FRK: variants seen among roughly 807,000 people sequenced by gnomAD.
The protein encoded by FRK is tyrosine-protein kinase FRK.
A neutral mutation model predicts 56.4 loss-of-function variants in FRK; 51 were observed. That is an observed-to-expected ratio of 0.90 (90% CI 0.72 to 1.14). The LOEUF (loss-of-function observed/expected upper bound fraction) is 1.14, where lower values mean the gene tolerates loss of function less well. Ranked by LOEUF, FRK falls within the 50% of genes most tolerant of loss-of-function variation. The probability of loss-of-function intolerance (pLI) is 0.00; values close to 1 mark genes in which losing one functional copy is unlikely to be tolerated. For synonymous variants in FRK, 245 were observed against 217.9 expected (o/e 1.12, Z -1.10); for missense variants, 570 against 601.4 (o/e 0.95, Z 0.55).
At chr6:115,956,893 A>G (rs1433823278) in intron 4 of FRK, among the ~76,000 whole-genome samples, 1 of 152,230 alleles carries the variant, frequency 6.6e-6, no homozygotes. Context: ...GGAGAGACTG[A>G]CAATCTAACT....
intron 1 of FRK, among the ~76,000 whole-genome samples, chr6:116,036,834 A>T (rs1310003684): frequency 6.6e-6 from 1 of 152,196 alleles, no homozygotes; most frequent in Non-Finnish European, 1.5e-5. Context: ...GCACTGTCCT[A>T]TGTCAACATT....
chr6:116,095,475 G>A, the FRK span, among the ~76,000 whole-genome samples: 3 of 152,166 alleles, frequency 2.0e-5, no homozygotes, highest in East Asian at 3.8e-4. Flanking sequence ...TTCAACAAAA[G>A]TAAAGTTTGC....
chr6:116,100,168 A>G, the FRK span, among the ~76,000 whole-genome samples: 1 of 152,230 alleles, frequency 6.6e-6, no homozygotes, highest in Non-Finnish European at 1.5e-5. Flanking sequence ...TAAAAAATTC[A>G]TTACAATAAC....
rs184862198 is a variant in FRK at position 116,022,078 on chromosome 6, G to A, written c.345-18080C>T. On this transcript the variant is annotated intron_variant, in intron 1 of 7. Coordinates refer to ENST00000606080, the MANE Select transcript of FRK (RefSeq NM_002031.3). ...TAAATTTGACAACTAAGATGAAATC[G>A]ACAGGTTCCCCAATACATATAAAGT... is the stretch of plus-strand genomic sequence containing the variant. Among the ~76,000 whole-genome samples, 311 of 151,884 alleles carry A rather than the reference G, an allele frequency of 2.0e-3. 1 individual carries two copies. Among genetic ancestry groups the A allele is most frequent in the African/African-American group, 7.1e-3 (294 of 41,492 alleles).
At chr6:116,099,733 T>A in the FRK span, among the ~76,000 whole-genome samples, 2 of 152,234 alleles carry the variant, frequency 1.3e-5, no homozygotes, top group South Asian at 4.1e-4. Context: ...GATTGGTCTA[T>A]TAGCCTCAGA....
chr6:116,080,517 C>T, the FRK span, among the ~76,000 whole-genome samples: 6 of 152,256 alleles, frequency 3.9e-5, no homozygotes, highest in South Asian at 4.1e-4. Flanking sequence ...GATTTGCCTA[C>T]GCAAAAATGT....
chr6:116,069,281 C>T, the FRK span, among the ~76,000 whole-genome samples: 1 of 151,994 alleles, frequency 6.6e-6, no homozygotes, highest in Non-Finnish European at 1.5e-5. Flanking sequence ...GTTTGGGATA[C>T]AAAATTTGTG....
intron 1 of FRK, among the ~76,000 whole-genome samples, chr6:116,048,154 C>T (rs190933445): frequency 2.0e-5 from 3 of 152,294 alleles, no homozygotes; most frequent in Admixed American, 1.3e-4. Flanking sequence ...GGTGTGAATG[C>T]TTCAAAATCC....
chr6:116,051,407 T>TA (rs1562306289), intron 1 of FRK, among the ~76,000 whole-genome samples: 1 of 152,184 alleles, frequency 6.6e-6, no homozygotes, highest in East Asian at 1.9e-4. Context: ...AATATTCAAC[T>TA]AAAAAACTTT....
intron 6 of FRK, 91 bp downstream of exon 6, chr6:115,944,153 T>C (rs1772321979): frequency 1.9e-6 from 2 of 1,066,018 alleles, no homozygotes; most frequent in Non-Finnish European, 2.7e-6. Context: ...GGAGAAACAT[T>C]GTTTTAAAGA....
At chr6:116,001,062 A>AC (rs1319633157) in intron 2 of FRK, among the ~76,000 whole-genome samples, 1 of 151,954 alleles carries the variant, frequency 6.6e-6, no homozygotes, top group Non-Finnish European at 1.5e-5. Context: ...ACACGGTGAA[A>AC]CCCCGTCCCT....
At chr6:115,953,383 G>T (rs1025148789) in intron 5 of FRK, among the ~76,000 whole-genome samples, 18 of 151,178 alleles carry the variant, frequency 1.2e-4, no homozygotes, top group Non-Finnish European at 2.5e-4. Flanking sequence ...TAGAGACGGG[G>T]TTTCACCGTT....
At chr6:115,969,372 G>T (rs931048252) in intron 2 of FRK, among the ~76,000 whole-genome samples, 2 of 152,090 alleles carry the variant, frequency 1.3e-5, no homozygotes, top group Admixed American at 6.6e-5. Context: ...TAGCAGTATT[G>T]CTTCATCCAA....
intron 1 of FRK, among the ~76,000 whole-genome samples, chr6:116,047,535 C>A (rs1777015537): frequency 7.9e-4 from 1 of 1,266 alleles, no homozygotes; most frequent in Admixed American, 7.4e-3. Context: ...CCATGTGCCA[C>A]CATGCCTAGC....
intron 1 of FRK, among the ~76,000 whole-genome samples, chr6:116,024,493 C>A (rs1171365826): frequency 6.6e-6 from 1 of 151,160 alleles, no homozygotes; most frequent in East Asian, 2.0e-4. Context: ...TCAATTCCCA[C>A]CTATGAGTGA....
intron 2 of FRK, among the ~76,000 whole-genome samples, chr6:115,972,807 C>T (rs1423463978): frequency 3.9e-5 from 6 of 152,284 alleles, no homozygotes; most frequent in South Asian, 2.1e-4. Context: ...TTTTAACAGT[C>T]ATATAAGGTA....
chr6:116,022,920 A>G (rs1206268089), intron 1 of FRK, among the ~76,000 whole-genome samples: 1 of 152,212 alleles, frequency 6.6e-6, no homozygotes, highest in African/African-American at 2.4e-5. Context: ...AGAGTAACCC[A>G]TACTCAGGCA....
rs1043481414 is a variant in FRK, at chr6:115,932,277, G to A, written c.*10137C>T. On this transcript the variant is annotated 3_prime_UTR_variant, in exon 8 of 8. Transcript: ENST00000606080. ...CAGAGAAAAATCTAAGAGTTTAGTG[G>A]GGGAATGTAGGCAGTAAGAGGATAA... The A allele has an allele frequency of 6.6e-6, 1 of 152,080 alleles. No homozygotes were observed. Among genetic ancestry groups the A allele is most frequent in the African/African-American group, 2.4e-5 (1 of 41,410 alleles). 9.4% of individuals were successfully genotyped at this position (152,080 alleles called of 1,614,324 possible).
At position 115,988,524 on chromosome 6, in the gene FRK, A is replaced by C. The variant is rs182101729; in HGVS notation, c.466+15353T>G. ...TCTTCTTTTTATGAATTAATGGGTC[A>C]TGAAAACTAAAAACAAACAAAGTTA... is the stretch of plus-strand genomic sequence containing the variant. On this transcript the variant is annotated intron_variant, in intron 2 of 7. Coordinates refer to ENST00000606080, the MANE Select transcript of FRK (RefSeq NM_002031.3). 1.5e-3 allele frequency among the ~76,000 whole-genome samples: 227 copies of C among 152,182 alleles called. 3 individuals are homozygous for C. The highest frequency in any genetic ancestry group is 1.3e-4 in the Non-Finnish European group (9 of 67,960).
Sources: allele counts gnomAD v4.1 joint callset (sites outside exome capture counted in the v4.1 genomes callset), GRCh38; gene constraint gnomAD v4.1.1; transcripts MANE v1.5; gene names NCBI Gene and HGNC (gene_info 2026-07-23, HGNC 2026-07-21).